MEI1: variants seen among roughly 807,000 people sequenced by gnomAD.
MEI1 encodes meiosis inhibitor protein 1.
MEI1 carries 103 observed loss-of-function variants against 146.2 expected under a neutral mutation model. That is an observed-to-expected ratio of 0.70 (90% CI 0.60 to 0.83). The LOEUF (loss-of-function observed/expected upper bound fraction) is 0.83. Ranked by LOEUF, MEI1 falls within the 40% of genes least tolerant of loss-of-function variation. The pLI is 0.00. For missense variants in MEI1, 1,529 were observed against 1,533.0 expected, an observed-to-expected ratio of 1.00 and a Z score of 0.04; for synonymous variants, 652 against 628.2, an observed-to-expected ratio of 1.04 and a Z score of -0.57.
At chr22:41,728,857 T>C (rs2071590220) in intron 7 of MEI1, among the ~76,000 whole-genome samples, 1 of 140,218 alleles carries the variant, frequency 7.1e-6, no homozygotes, top group Non-Finnish European at 1.5e-5. Flanking sequence ...TGAGACCCTG[T>C]GTCAAAAAAA....
At chr22:41,726,377 TTAACTTAAAAGCAG>T (rs1475195862) in intron 7 of MEI1, among the ~76,000 whole-genome samples, 4 of 152,204 alleles carry the variant, frequency 2.6e-5, no homozygotes, top group South Asian at 2.1e-4. Context: ...AGCTTAAAAC[TTAACTTAAAAGCAG>T]TAACTTAAAA....
intron 7 of MEI1, among the ~76,000 whole-genome samples, chr22:41,728,904 G>T (rs2071597768): frequency 6.6e-6 from 1 of 151,576 alleles, no homozygotes; most frequent in East Asian, 1.9e-4. Flanking sequence ...AGTGGCTCAT[G>T]CCTATATTCC....
At chr22:41,722,202 C>T (rs964728394) in intron 6 of MEI1, 2 of 151,866 alleles carry the variant, frequency 1.3e-5, no homozygotes, top group Non-Finnish European at 2.9e-5. Flanking sequence ...TAGTCACATC[C>T]TTTGGACCCT....
chr22:41,748,032 G>A (rs2073463075), intron 14 of MEI1, 75 bp from the exon 15 acceptor site: 2 of 978,070 alleles, frequency 2.0e-6, no homozygotes, highest in Non-Finnish European at 3.2e-6. Context: ...TAGATTTGAT[G>A]TGAGTTTTCT....
chr22:41,791,342 G>T (rs1484611311), intron 26 of MEI1, among the ~76,000 whole-genome samples: 2 of 152,146 alleles, frequency 1.3e-5, no homozygotes, highest in African/African-American at 2.4e-5. Flanking sequence ...CAAAAAATTA[G>T]CTGGACGTGG....
intron 4 of MEI1, among the ~76,000 whole-genome samples, chr22:41,714,821 C>T (rs1435142830): frequency 6.6e-6 from 1 of 151,698 alleles, no homozygotes; most frequent in Non-Finnish European, 1.5e-5. Context: ...GTGGAGTTTG[C>T]AGTGAGCTGA....
chr22:41,729,598 C>A (rs1451773702), intron 7 of MEI1, 67 bp from the exon 8 acceptor site: 14 of 995,492 alleles, frequency 1.4e-5, no homozygotes, highest in Non-Finnish European at 2.2e-5. Flanking sequence ...CCCTGAGGCA[C>A]CTAGGCCAGT....
At chr22:41,776,601 G>C (rs1327478862) in intron 21 of MEI1, among the ~76,000 whole-genome samples, 1 of 152,118 alleles carries the variant, frequency 6.6e-6, no homozygotes, top group Non-Finnish European at 1.5e-5. Context: ...TCTGGAGGAG[G>C]ATGGAGGCAG....
chr22:41,773,646 C>T (rs1428858524), intron 20 of MEI1, among the ~76,000 whole-genome samples: 3 of 151,086 alleles, frequency 2.0e-5, no homozygotes, highest in Non-Finnish European at 2.9e-5. Context: ...GAGGCTGAGG[C>T]GGGTGGGTCA....
At chr22:41,763,451 G>T in intron 19 of MEI1, 130 bp downstream of exon 19, 2 of 972,862 alleles carry the variant, frequency 2.1e-6, no homozygotes, top group East Asian at 2.5e-5. Context: ...GGTGTTAGGA[G>T]TGTGGAGAGG....
Position 41,795,752 on chromosome 22 carries a change from C to A in MEI1, c.3684C>A (p.His1228Gln). 1 of 1,613,680 alleles carries A rather than the reference C, an allele frequency of 6.2e-7. No individual in the cohort carries two copies. Among genetic ancestry groups the A allele is most frequent in the Non-Finnish European group, 8.5e-7 (1 of 1,179,758 alleles). Residue 1228 changes from histidine to glutamine, a missense_variant, in exon 30 of 31, where the codon CAC (histidine) becomes CAA (glutamine). Around this residue, in one of 3 missense-constraint regions of MEI1, gnomAD observed 313 missense variants for 337.3 expected, o/e 0.93. Transcript: ENST00000401548. This position sits in a 1 kb window ranked among gnomAD's most constrained non-coding sequence, Gnocchi z 4.2. ...GFFQQLQSMG[H>Q]LADHSMAQTL... ...CCCTGCAGCTCCAGAGCATGGGACA[C>A]CTGGCTGACCACAGCATGGCCCAGA...
chr22:41,730,184 T>C (rs1246097377), intron 8 of MEI1, among the ~76,000 whole-genome samples: 1 of 152,108 alleles, frequency 6.6e-6, no homozygotes, highest in East Asian at 1.9e-4. Context: ...GGATAAAAAG[T>C]CAAGTCTCTC....
chr22:41,749,228 G>A (rs1012380254), intron 15 of MEI1, among the ~76,000 whole-genome samples: 3 of 152,118 alleles, frequency 2.0e-5, no homozygotes, highest in African/African-American at 7.2e-5. Context: ...AGGCAGCCAG[G>A]GCTCAGCCAT....
intron 26 of MEI1, 108 bp downstream of exon 26, chr22:41,784,891 G>GT: frequency 8.6e-5 from 51 of 595,826 alleles, no homozygotes; most frequent in Non-Finnish European, 1.2e-4. Context: ...GGTGGATTAA[G>GT]ACTTTTTTAA....
chr22:41,769,493 A>T (rs573522815), intron 19 of MEI1, among the ~76,000 whole-genome samples: 1 of 149,522 alleles, frequency 6.7e-6, no homozygotes, highest in African/African-American at 2.5e-5. Flanking sequence ...TTTTTTTGAG[A>T]TGGAGTTTCA....
At position 41,748,090 on chromosome 22, in the gene MEI1, C is replaced by T. The variant is rs756400695; in HGVS notation, c.1681-17C>T. On this transcript the variant is annotated splice_polypyrimidine_tract_variant and intron_variant, in intron 14 of 30. Transcript: ENST00000401548. ...TCAGTCCCCGTGGGCTGTGTTCTCTCTCCTGGTTCTTTGCAGAGACACTTG... is the reference window on the plus strand; with the variant it reads ...TCAGTCCCCGTGGGCTGTGTTCTCTTTCCTGGTTCTTTGCAGAGACACTTG... 3 of 1,590,606 alleles carry T rather than the reference C, an allele frequency of 1.9e-6. No homozygotes were observed. The highest frequency in any genetic ancestry group is 1.7e-4 in the Middle Eastern group (1 of 6,052).
Position 41,714,836 on chromosome 22 carries a change from G to T in MEI1, c.423+761G>T, listed in dbSNP as rs543641745. Among the ~76,000 whole-genome samples, 21 of 151,670 alleles carry T rather than the reference G, an allele frequency of 1.4e-4. No homozygotes were observed. The South Asian group carries it at 4.4e-3, about 32-fold the overall frequency. ...GTGGAGTTTGCAGTGAGCTGAGATC[G>T]CACCACTGCACCCCAGCCTGGGTGA... On this transcript the variant is annotated intron_variant, in intron 4 of 30. Transcript: ENST00000401548.
chr22:41,712,265 C>G (rs982354616), intron 3 of MEI1, among the ~76,000 whole-genome samples: 21 of 134,094 alleles, frequency 1.6e-4, no homozygotes, highest in Non-Finnish European at 1.6e-5. Flanking sequence ...TACGGAGTCT[C>G]GCTCTGTTGC....
intron 1 of MEI1, among the ~76,000 whole-genome samples, chr22:41,700,610 C>T (rs1004029065): frequency 2.0e-5 from 3 of 151,922 alleles, no homozygotes; most frequent in African/African-American, 4.8e-5. Context: ...GGATTATAGG[C>T]GTGAGCCACG....
Sources: allele counts gnomAD v4.1 joint callset (sites outside exome capture counted in the v4.1 genomes callset), GRCh38; gene constraint gnomAD v4.1.1; regional missense constraint gnomAD v4.1.1; non-coding constraint Gnocchi (gnomAD v3.1); transcripts MANE v1.5; gene names NCBI Gene and HGNC (gene_info 2026-07-23, HGNC 2026-07-21).